Variants in ACER3 observed in about 807,000 individuals in gnomAD.
ACER3 encodes alkaline ceramidase 3.
ACER3 carries 16 observed loss-of-function variants against 48.9 expected under a neutral mutation model. That is an observed-to-expected ratio of 0.33 (90% confidence interval 0.22 to 0.50). The LOEUF is 0.50. Ranked by LOEUF, ACER3 falls within the 20% of genes least tolerant of loss-of-function variation. The pLI, the probability that ACER3 is intolerant of heterozygous loss-of-function variation, is 0.98. For synonymous variants in ACER3, 109 were observed against 107.8 expected (o/e 1.01, Z -0.07); for missense variants, 227 against 326.0 (o/e 0.70, Z 2.34).
rs1396099964 is a variant in ACER3 at position 77,020,191 on chromosome 11, A to G, written c.751-83A>G. On this transcript the variant is annotated intron_variant, in intron 10 of 10. Transcript: ENST00000532485. ...CAAACCTACGTATAGTCATAGCCCC[A>G]TGGATTCTTTCTCATTCTTTTTCAG... 6.9e-6 allele frequency: 10 copies of G among 1,446,798 alleles called. No individual in the cohort carries two copies. In the East Asian group the frequency reaches 1.8e-4, roughly 27 times the overall value. 89.6% of individuals were successfully genotyped at this position (1,446,798 alleles called of 1,614,324 possible).
At chr11:77,019,186 C>T (rs183083284) in intron 9 of ACER3, among the ~76,000 whole-genome samples, 7 of 152,268 alleles carry the variant, frequency 4.6e-5, no homozygotes, top group African/African-American at 9.6e-5. Context: ...TGTGGCCGGG[C>T]GCGGTGGCTC....
At chr11:76,912,950 G>C (rs1946422389) in intron 1 of ACER3, among the ~76,000 whole-genome samples, 1 of 152,100 alleles carries the variant, frequency 6.6e-6, no homozygotes, top group African/African-American at 2.4e-5. Context: ...GCAATTTTCA[G>C]ATCAGGAGTG....
chr11:76,900,886 C>T (rs758066879), intron 1 of ACER3, among the ~76,000 whole-genome samples: 3 of 152,010 alleles, frequency 2.0e-5, no homozygotes, highest in Non-Finnish European at 2.9e-5. Flanking sequence ...CCTTTTTTGC[C>T]GTATCTACAA....
chr11:76,864,878 C>T (rs1484749959), intron 1 of ACER3, among the ~76,000 whole-genome samples: 1 of 150,720 alleles, frequency 6.6e-6, no homozygotes, highest in Admixed American at 6.6e-5. Flanking sequence ...GGATTACAGG[C>T]GTGAACTTCC....
chr11:76,895,314 T>G (rs2134639443), intron 1 of ACER3, among the ~76,000 whole-genome samples: 1 of 152,328 alleles, frequency 6.6e-6, no homozygotes. Context: ...AACTTCATAT[T>G]TGCCTCAATT....
chr11:76,952,267 T>C lies in ACER3; in HGVS notation c.215-6712T>C, dbSNP rs1947692505. 2.0e-5 allele frequency among the ~76,000 whole-genome samples: 3 copies of C among 151,018 alleles called. No individual in the cohort carries two copies. In the South Asian group the frequency reaches 6.3e-4, roughly 32 times the overall value. ...CACTATACTATTCTTTCTTTCTTTT[T>C]TTTTTTTTTTGAGATGGAGTCTCTC... On this transcript the variant is annotated intron_variant, in intron 2 of 10. Coordinates refer to ENST00000532485, the MANE Select transcript of ACER3 (RefSeq NM_018367.7).
intron 1 of ACER3, among the ~76,000 whole-genome samples, chr11:76,901,187 G>A (rs982901171): frequency 5.9e-5 from 9 of 151,790 alleles, no homozygotes; most frequent in Middle Eastern, 3.2e-3. Context: ...TGCATTTAAG[G>A]GGGTAGATCA....
intron 1 of ACER3, among the ~76,000 whole-genome samples, chr11:76,913,443 G>A (rs1049068959): frequency 1.3e-5 from 2 of 152,190 alleles, no homozygotes; most frequent in Admixed American, 6.5e-5. Context: ...TCCTTGTCTT[G>A]TGCCAGTTTT....
Position 77,016,549 on chromosome 11 carries a change from A to G in ACER3, c.600-126A>G, listed in dbSNP as rs560994667. ...TTTGGATAACAATGTGGCAGACTACAGGAAACTTAAGGCAATTAAATAACT... is the reference window on the plus strand; with the variant it reads ...TTTGGATAACAATGTGGCAGACTACGGGAAACTTAAGGCAATTAAATAACT... On this transcript the variant is annotated intron_variant, in intron 8 of 10. Transcript: ENST00000532485. 3 of 505,324 alleles carry G rather than the reference A, an allele frequency of 5.9e-6. No homozygotes were observed. In the Admixed American group the frequency reaches 1.1e-4, roughly 19 times the overall value. 31.3% of individuals were successfully genotyped at this position (505,324 alleles called of 1,614,324 possible).
At chr11:76,929,493 A>C (rs1946933677) in intron 2 of ACER3, among the ~76,000 whole-genome samples, 1 of 152,208 alleles carries the variant, frequency 6.6e-6, no homozygotes, top group South Asian at 2.1e-4. Context: ...AACTTCCAAC[A>C]CTATGTTGAA....
At chr11:76,911,000 T>C (rs954936647) in intron 1 of ACER3, among the ~76,000 whole-genome samples, 3 of 152,206 alleles carry the variant, frequency 2.0e-5, no homozygotes, top group African/African-American at 4.8e-5. Context: ...TAAAATTGTT[T>C]ATAGTTATTA....
At position 76,950,352 on chromosome 11, in the gene ACER3, CATATATATATATATATATAT is replaced by C. The variant is rs774580764; in HGVS notation, c.215-8587_215-8568del. 6.3e-3 allele frequency among the ~76,000 whole-genome samples: 227 copies of C among 36,010 alleles called. 1 individual carries two copies. Among genetic ancestry groups the C allele is most frequent in the African/African-American group, 8.5e-3 (198 of 23,380 alleles). 23.6% of individuals were successfully genotyped at this position (36,010 alleles called of 152,430 possible). The stretch of plus-strand genomic sequence containing the variant: ...GTTTTAAACAGGAGAGTGACATGAT[CATATATATATATATATATAT>C]ATATATATATATATATATATATATA... On this transcript the variant is annotated intron_variant, in intron 2 of 10. Coordinates refer to ENST00000532485, the MANE Select transcript of ACER3 (RefSeq NM_018367.7).
At chr11:76,886,651 A>G (rs1945679327) in intron 1 of ACER3, among the ~76,000 whole-genome samples, 1 of 152,212 alleles carries the variant, frequency 6.6e-6, no homozygotes, top group Admixed American at 6.5e-5. Flanking sequence ...CATACAAAGC[A>G]TGCCTAGGTA....
At chr11:76,881,675 C>T (rs1590875220) in intron 1 of ACER3, among the ~76,000 whole-genome samples, 1 of 151,924 alleles carries the variant, frequency 6.6e-6, no homozygotes, top group Non-Finnish European at 1.5e-5. Context: ...TATAAACCTC[C>T]AAATATCAGC....
chr11:76,907,553 A>G (rs1946265448), intron 1 of ACER3, among the ~76,000 whole-genome samples: 1 of 152,182 alleles, frequency 6.6e-6, no homozygotes, highest in South Asian at 2.1e-4. Flanking sequence ...TCAGATTTAC[A>G]AGATTATTTT....
intron 2 of ACER3, among the ~76,000 whole-genome samples, chr11:76,952,828 G>A (rs1947721115): frequency 6.6e-6 from 1 of 151,380 alleles, no homozygotes; most frequent in African/African-American, 2.4e-5. Context: ...ACCACACCTG[G>A]CTAATTTTTG....
At chr11:76,952,408 C>T (rs1384802037) in intron 2 of ACER3, among the ~76,000 whole-genome samples, 9 of 150,056 alleles carry the variant, frequency 6.0e-5, no homozygotes, top group East Asian at 2.0e-4. Context: ...CACAGGCGCC[C>T]GCCACGACGC....
intron 1 of ACER3, among the ~76,000 whole-genome samples, chr11:76,877,070 A>T (rs999285790): frequency 3.3e-5 from 5 of 152,290 alleles, no homozygotes; most frequent in Admixed American, 1.3e-4. Flanking sequence ...AAGAATAAAG[A>T]TTAGTACTTT....
chr11:76,972,217 C>T (rs191163769), intron 3 of ACER3, among the ~76,000 whole-genome samples: 7 of 152,220 alleles, frequency 4.6e-5, no homozygotes, highest in Admixed American at 6.5e-5. Context: ...ATTTAGATTC[C>T]CACCAGCAAC....
Sources: allele counts gnomAD v4.1 joint callset (sites outside exome capture counted in the v4.1 genomes callset), GRCh38; gene constraint gnomAD v4.1.1; transcripts MANE v1.5; gene names NCBI Gene and HGNC (gene_info 2026-07-23, HGNC 2026-07-21).